CREB5: variants seen among roughly 807,000 people sequenced by gnomAD.
CREB5 encodes the protein cAMP responsive element binding protein 5.
CREB5 carries 19 observed loss-of-function variants against 57.1 expected under a neutral mutation model. The observed-to-expected ratio is 0.33, with a 90% CI of 0.23 to 0.49. CREB5 has a LOEUF of 0.49. CREB5 is among the 20% of genes least tolerant of loss of function. The pLI, the probability that CREB5 is intolerant of heterozygous loss-of-function variation, is 0.99. For synonymous variants in CREB5, 238 were observed against 238.3 expected (o/e 1.00, Z 0.01); for missense variants, 579 against 671.6 (o/e 0.86, Z 1.52).
intron 2 of CREB5, among the ~76,000 whole-genome samples, chr7:28,490,333 C>T (rs1268296681): frequency 6.6e-6 from 1 of 152,158 alleles, no homozygotes; most frequent in African/African-American, 2.4e-5. Context: ...ATTAAGTTTA[C>T]TTGGGGAGGT....
rs928475542 is a variant in CREB5, at chr7:28,801,284, T to G, written c.703-2915T>G. On this transcript the variant is annotated intron_variant, in intron 7 of 10. Coordinates refer to ENST00000357727, the MANE Select transcript of CREB5 (RefSeq NM_182898.4). ...ACTTTATTATCTAATATTTTTGTAG[T>G]AATTGATTTTTTATTATAAAAAGTA... Among the ~76,000 whole-genome samples the G allele has an allele frequency of 5.9e-5, 9 of 152,304 alleles. No individual in the cohort carries two copies. In the South Asian group the frequency reaches 1.2e-3, roughly 21 times the overall value.
chr7:28,450,644 T>C (rs1415534601), intron 1 of CREB5, among the ~76,000 whole-genome samples: 6 of 152,174 alleles, frequency 3.9e-5, no homozygotes, highest in African/African-American at 1.4e-4. Flanking sequence ...GTCACAAGTT[T>C]TCACCCCCTG....
chr7:28,540,801 A>C (rs1434411263), intron 4 of CREB5, among the ~76,000 whole-genome samples: 1 of 152,212 alleles, frequency 6.6e-6, no homozygotes, highest in Non-Finnish European at 1.5e-5. Context: ...GAGCTCTTGC[A>C]GTAAAAGACA....
At chr7:28,306,501 T>C (rs1583657794) in intron 1 of CREB5, among the ~76,000 whole-genome samples, 2 of 113,570 alleles carry the variant, frequency 1.8e-5, no homozygotes, top group Admixed American at 1.8e-4. Context: ...AGATTTTAAA[T>C]GGGCGATGAA....
chr7:28,698,378 C>T (rs1042966977), intron 5 of CREB5, among the ~76,000 whole-genome samples: 1 of 148,214 alleles, frequency 6.7e-6, no homozygotes, highest in Non-Finnish European at 1.5e-5. Context: ...AAAACACACT[C>T]ACAGGGCTAA....
At chr7:28,412,989 G>C in intron 1 of CREB5, 72 bp downstream of exon 1, 5 of 1,265,276 alleles carry the variant, frequency 4.0e-6, no homozygotes, top group Non-Finnish European at 5.3e-6. Context: ...AACCAATGTT[G>C]TATTTTCATA....
intron 5 of CREB5, among the ~76,000 whole-genome samples, chr7:28,646,306 G>A (rs184173129): frequency 1.3e-5 from 2 of 152,014 alleles, no homozygotes; most frequent in Non-Finnish European, 2.9e-5. Flanking sequence ...TAAAGATCCC[G>A]AGCAAACCTA....
chr7:28,323,754 A>G (rs1304672141), intron 1 of CREB5, among the ~76,000 whole-genome samples: 2 of 152,150 alleles, frequency 1.3e-5, no homozygotes, highest in African/African-American at 4.8e-5. Flanking sequence ...CAGTACCTTT[A>G]TTGTGCACTT....
rs750603003 is a variant in CREB5 at position 28,802,355 on chromosome 7, A to ATGTT, written c.703-1842_703-1839dup. ...TTTTCTTAGCAGGTAGAGGCTCTTT[A>ATGTT]TGTTTAATTAAGGATTTTGATTAAT... On this transcript the variant is annotated intron_variant, in intron 7 of 10. Transcript: ENST00000357727. 3.8e-4 allele frequency among the ~76,000 whole-genome samples: 58 copies of ATGTT among 152,034 alleles called. 1 individual carries two copies. The highest frequency in any genetic ancestry group is 2.2e-3 in the Admixed American group (34 of 15,286).
intron 5 of CREB5, among the ~76,000 whole-genome samples, chr7:28,601,258 C>G (rs892707214): frequency 6.6e-6 from 1 of 151,560 alleles, no homozygotes; most frequent in Middle Eastern, 3.4e-3. Flanking sequence ...GGGATTTGTT[C>G]TACAGACATG....
intron 3 of CREB5, 31 bp downstream of exon 3, chr7:28,495,030 G>A (rs752747806): frequency 3.3e-6 from 5 of 1,514,898 alleles, no homozygotes; most frequent in Non-Finnish European, 4.5e-6. Context: ...GAAGCTTTGG[G>A]TGATCAGATC....
In CREB5 at chr7:28,300,280, C is replaced by T. The variant is rs117407827; in HGVS notation, c.-25+839C>T. The stretch of plus-strand genomic sequence containing the variant: ...CACATTTACACACTGACTGAATGGG[C>T]TGTGAGAAGATAATTTGCTTGTCTA... On this transcript the variant is annotated intron_variant, in intron 1 of 9. Coordinates refer to the CREB5 transcript ENST00000396299. Among the ~76,000 whole-genome samples, 194 of 152,122 alleles carry T rather than the reference C, an allele frequency of 1.3e-3. 1 individual carries two copies. Among genetic ancestry groups the T allele is most frequent in the Middle Eastern group, 6.8e-3 (2 of 294 alleles).
intron 1 of CREB5, among the ~76,000 whole-genome samples, chr7:28,444,270 G>A (rs762786414): frequency 6.6e-6 from 1 of 152,098 alleles, no homozygotes; most frequent in South Asian, 2.1e-4. Context: ...TGGAATCTGG[G>A]GGAGAAACAT....
intron 4 of CREB5, among the ~76,000 whole-genome samples, chr7:28,560,891 TGTGTGCGTGCGC>T (rs1795149652): frequency 2.0e-4 from 4 of 19,720 alleles, no homozygotes; most frequent in African/African-American, 6.6e-4. Flanking sequence ...TGCGTGCGTG[TGTGTGCGTGCGC>T]GCGTGCGTGT....
At chr7:28,637,921 A>C (rs1162527889) in intron 5 of CREB5, among the ~76,000 whole-genome samples, 1 of 152,192 alleles carries the variant, frequency 6.6e-6, no homozygotes, top group Non-Finnish European at 1.5e-5. Context: ...ATGAAAAGGA[A>C]TTCAGACAGC....
intron 5 of CREB5, among the ~76,000 whole-genome samples, chr7:28,637,181 AGAAAG>A (rs533747774): frequency 3.3e-5 from 5 of 152,218 alleles, no homozygotes; most frequent in Middle Eastern, 3.4e-3. Flanking sequence ...AAGAAAGAAA[AGAAAG>A]GAAAAGAAAA....
chr7:28,774,590 G>T (rs938778828), intron 7 of CREB5, among the ~76,000 whole-genome samples: 2 of 152,018 alleles, frequency 1.3e-5, no homozygotes, highest in African/African-American at 4.8e-5. Flanking sequence ...CCAACCCTTC[G>T]ACTCTGTTTT....
At position 28,593,445 on chromosome 7, in the gene CREB5, T is replaced by C. The variant is rs145877367; in HGVS notation, c.464+22908T>C. On this transcript the variant is annotated intron_variant, in intron 5 of 10. Coordinates refer to ENST00000357727, the MANE Select transcript of CREB5 (RefSeq NM_182898.4). Reference sequence around the variant, plus strand: ...TGTATTTTTAGTGGAGATGGGGTTTTACCATGTTAGCGAGGCTGGCCTCTA... The same window carrying C: ...TGTATTTTTAGTGGAGATGGGGTTTCACCATGTTAGCGAGGCTGGCCTCTA... 2.3e-4 allele frequency among the ~76,000 whole-genome samples: 35 copies of C among 152,182 alleles called. No homozygotes were observed. The South Asian group carries it at 3.5e-3, about 15-fold the overall frequency.
intron 7 of CREB5, among the ~76,000 whole-genome samples, chr7:28,732,484 T>C (rs1221396899): frequency 6.6e-6 from 1 of 152,140 alleles, no homozygotes; most frequent in Non-Finnish European, 1.5e-5. Context: ...TGTGGACGTG[T>C]GAGCACGCGT....
Sources: allele counts gnomAD v4.1 joint callset (sites outside exome capture counted in the v4.1 genomes callset), GRCh38; gene constraint gnomAD v4.1.1; transcripts MANE v1.5; gene names NCBI Gene and HGNC (gene_info 2026-07-23, HGNC 2026-07-21).